Variants in TRUB2 observed in about 807,000 individuals in gnomAD.
TRUB2 encodes TruB pseudouridine synthase family member 2.
Under a neutral mutation model 31.9 loss-of-function variants are expected in TRUB2, and 31 were observed. The ratio of observed to expected loss-of-function variants is 0.97; its 90% CI spans 0.73 to 1.31. The LOEUF (loss-of-function observed/expected upper bound fraction) is 1.31. Among genes scored for constraint, TRUB2 ranks in the 50% most tolerant of loss-of-function variants. The pLI, the probability that TRUB2 is intolerant of heterozygous loss-of-function variation, is 0.00. For synonymous variants in TRUB2, 201 were observed against 182.6 expected, an observed-to-expected ratio of 1.10 and a Z score of -0.81; for missense variants, 451 against 439.6, an observed-to-expected ratio of 1.03 and a Z score of -0.23.
At chr9:128,313,956 G>C in intron 4 of TRUB2, 67 bp from the exon 5 acceptor site, 1 of 1,489,746 alleles carries the variant, frequency 6.7e-7, no homozygotes, top group Non-Finnish European at 9.3e-7. Context: ...CCCTGCCCCA[G>C]AAGCTGGGGG....
In TRUB2 at chr9:128,321,672, G is replaced by A; in HGVS notation, c.168C>T (p.Pro56=). 6.2e-7 allele frequency: 1 copy of A among 1,613,980 alleles called. No individual in the cohort carries two copies. The highest frequency in any genetic ancestry group is 8.5e-7 in the Non-Finnish European group (1 of 1,180,026). ...GCTCCTTCTCTTCGCTGCCTTCCAT[G>A]GGGCCCAGCAAGAAGCGAACACGCT... ...PKQRVRFLLG[P]MEGSEEKELT... is the part of the protein sequence containing the mutation. Residue 56 remains proline (P), a synonymous_variant, in exon 2 of 8, where the codon CCC becomes CCT. Transcript: ENST00000372890.
chr9:128,315,046 C>A (rs144645748), intron 4 of TRUB2, among the ~76,000 whole-genome samples: 20 of 152,318 alleles, frequency 1.3e-4, no homozygotes, highest in African/African-American at 4.8e-4. Context: ...CATAACGTGG[C>A]ACCTGCGTAC....
At position 128,319,764 on chromosome 9, in the gene TRUB2, T is replaced by C. The variant is rs2131454946; in HGVS notation, c.241+1835A>G. On this transcript the variant is annotated intron_variant, in intron 2 of 7. Transcript: ENST00000372890. Reference sequence around the variant, plus strand: ...TGCGACTCCTCGTAACTCAGCCTCCTGAGTAGCTGGGATTACAGGTACGTG... The same window carrying C: ...TGCGACTCCTCGTAACTCAGCCTCCCGAGTAGCTGGGATTACAGGTACGTG... Among the ~76,000 whole-genome samples, 3 of 150,470 alleles carry C rather than the reference T, an allele frequency of 2.0e-5. No individual in the cohort carries two copies. In the Middle Eastern group the frequency reaches 0.011, roughly 530 times the overall value.
intron 4 of TRUB2, 70 bp from the exon 5 acceptor site, chr9:128,313,959 G>T: frequency 2.7e-6 from 4 of 1,462,324 alleles, no homozygotes; most frequent in Non-Finnish European, 2.9e-6. Flanking sequence ...TGCCCCAGAA[G>T]CTGGGGGTGG....
In TRUB2 at chr9:128,305,283, T is replaced by C. The variant is rs918650082; in HGVS notation, c.*4267A>G. On this transcript the variant is annotated 3_prime_UTR_variant, in exon 8 of 8. Transcript: ENST00000372890. ...GCTGTGAAAGCCAAGATGAGTAGCC[T>C]GGGGGCCACGCCCCTCCCCCAGGTG... is the stretch of plus-strand genomic sequence containing the variant. 5.3e-5 allele frequency: 8 copies of C among 152,254 alleles called. No individual in the cohort carries two copies. The highest frequency in any genetic ancestry group is 8.8e-5 in the Non-Finnish European group (6 of 68,056). The allele number at this position is 152,254 out of a possible 1,614,324, so 9.4% of individuals were successfully genotyped here. A position where few individuals can be genotyped will look rare whatever the true frequency, so the allele number is the denominator to read the frequency against.
At chr9:128,311,725 A>G (rs1020774314) in intron 5 of TRUB2, 124 bp from the exon 6 acceptor site, 4 of 987,700 alleles carry the variant, frequency 4.0e-6, no homozygotes, top group African/African-American at 1.6e-5. Context: ...AGGGATCCCC[A>G]TGGCGGGGTG....
chr9:128,311,053 G>A, intron 6 of TRUB2, 30 bp from the exon 7 acceptor site: 1 of 1,604,340 alleles, frequency 6.2e-7, no homozygotes, highest in Non-Finnish European at 8.5e-7. Flanking sequence ...CTGCAGCTGG[G>A]TGGCCCACCT....
At chr9:128,315,780 AC>A in intron 3 of TRUB2, 152 bp from the exon 4 acceptor site, 1 of 789,130 alleles carries the variant, frequency 1.3e-6, no homozygotes. Context: ...GGGCAGGTGC[AC>A]CCCTCTGGGT....
At chr9:128,313,952 C>A in intron 4 of TRUB2, 63 bp from the exon 5 acceptor site, 1 of 1,527,602 alleles carries the variant, frequency 6.5e-7, no homozygotes, top group South Asian at 1.1e-5. Flanking sequence ...TAGCCCCTGC[C>A]CCAGAAGCTG....
Position 128,321,741 on chromosome 9 carries a change from A to G in TRUB2, c.110-11T>C, listed in dbSNP as rs758215099. 3.1e-6 allele frequency: 5 copies of G among 1,612,404 alleles called. No homozygotes were observed. In the East Asian group the frequency reaches 6.7e-5, roughly 22 times the overall value. ...TCCTGGCATTGAGACCTGAACACAC[A>G]GAGATAATATATACACACATACATA... On this transcript the variant is annotated splice_polypyrimidine_tract_variant and intron_variant, in intron 1 of 7. Coordinates refer to ENST00000372890, the MANE Select transcript of TRUB2 (RefSeq NM_015679.3).
chr9:128,309,779 C>T lies in TRUB2; in HGVS notation c.767G>A (p.Arg256Gln), dbSNP rs34262454. Residue 256 changes from arginine (R) to glutamine (Q), a missense_variant, in exon 8 of 8, where the codon CGG (arginine) becomes CAG (glutamine). Coordinates refer to ENST00000372890, the MANE Select transcript of TRUB2 (RefSeq NM_015679.3). ...CGTGAAGAAGCCGTCGCGCGTGCGC[C>T]GCACTTGGGTGCAGACAGCAGTGGT... ...LKTTAVCTQV[R>Q]RTRDGFFTLD... 6.1e-5 allele frequency: 99 copies of T among 1,614,216 alleles called. No homozygotes were observed. The African/African-American group carries it at 1.1e-3, about 17-fold the overall frequency.
At chr9:128,315,747 A>G (rs542414814) in intron 3 of TRUB2, 119 bp from the exon 4 acceptor site, 71 of 1,160,310 alleles carry the variant, frequency 6.1e-5, no homozygotes, top group Non-Finnish European at 8.3e-5. Flanking sequence ...AGGCAACAAG[A>G]AGGCAAAAAG....
chr9:128,319,325 CAA>C (rs1341161451), intron 2 of TRUB2, among the ~76,000 whole-genome samples: 10 of 89,374 alleles, frequency 1.1e-4, no homozygotes, highest in African/African-American at 7.8e-5. Context: ...GACTCCGTCT[CAA>C]AAAAAAAAAA....
At chr9:128,311,828 T>A (rs1831975130) in intron 5 of TRUB2, among the ~76,000 whole-genome samples, 1 of 148,920 alleles carries the variant, frequency 6.7e-6, no homozygotes, top group African/African-American at 2.5e-5. Context: ...GCAAGGGCAC[T>A]CTATTTTTTT....
intron 4 of TRUB2, 124 bp from the exon 5 acceptor site, chr9:128,314,013 T>C: frequency 1.3e-6 from 1 of 748,352 alleles, no homozygotes; most frequent in Non-Finnish European, 2.3e-6. Context: ...GCCCAGCCCC[T>C]GCCCAGCTGC....
At chr9:128,318,044 T>TA (rs1300834071) in intron 2 of TRUB2, among the ~76,000 whole-genome samples, 1 of 152,012 alleles carries the variant, frequency 6.6e-6, no homozygotes, top group East Asian at 1.9e-4. Context: ...CTTTATTCAG[T>TA]AAAAAAATCA....
In TRUB2 at chr9:128,321,640, A is replaced by T; in HGVS notation, c.200T>A (p.Leu67His). ...GAAAGAGGGTACGCTGGTGGCTGTG[A>T]GGGTCAGCTCCTTCTCTTCGCTGCC... ...MEGSEEKELT[L>H]TATSVPSFIN... The change falls in exon 2 of 8, where the codon CTC (leucine) becomes CAC (histidine). Residue 67 changes from leucine to histidine, a missense_variant. Physicochemically the swap from Leu to His is moderately conservative, Grantham distance 99. Coordinates refer to ENST00000372890, the MANE Select transcript of TRUB2 (RefSeq NM_015679.3). The T allele has an allele frequency of 6.2e-7, 1 of 1,614,082 alleles. No homozygotes were observed. Among genetic ancestry groups the T allele is most frequent in the Non-Finnish European group, 8.5e-7 (1 of 1,180,002 alleles).
rs144433211 is a variant in TRUB2, at chr9:128,313,810, T to C, written c.458A>G (p.Tyr153Cys). The C allele has an allele frequency of 1.2e-6, 2 of 1,614,004 alleles. No homozygotes were observed. The highest frequency in any genetic ancestry group is 2.7e-5 in the African/African-American group (2 of 74,938). Reference sequence around the variant, plus strand: ...CGGCAGCCACTTCCGGTTCTCACCATAGGTTGTCTTCTCTACCAGCCTCCC... The same window carrying C: ...CGGCAGCCACTTCCGGTTCTCACCACAGGTTGTCTTCTCTACCAGCCTCCC... Reference protein sequence around the residue: ...EDGRLVEKTTYDHVTREKLDR... With the variant: ...EDGRLVEKTTCDHVTREKLDR... Residue 153 changes from tyrosine to cysteine, a missense_variant and splice_region_variant, in exon 5 of 8, where the codon TAT becomes TGT. Coordinates refer to ENST00000372890, the MANE Select transcript of TRUB2 (RefSeq NM_015679.3).
intron 6 of TRUB2, 107 bp from the exon 7 acceptor site, chr9:128,311,130 G>T: frequency 6.8e-7 from 1 of 1,472,298 alleles, no homozygotes; most frequent in Non-Finnish European, 9.2e-7. Flanking sequence ...CTGCCACCGT[G>T]GCTCCTCCAG....
Sources: gnomAD v4.1 joint callset for allele counts (sites outside exome capture counted in the v4.1 genomes callset) on GRCh38, gnomAD v4.1.1 for gene constraint, MANE v1.5 for transcripts, NCBI Gene and HGNC (gene_info 2026-07-23, HGNC 2026-07-21) for gene names.